Variants in TCF7L2 observed in about 807,000 individuals in gnomAD.
TCF7L2 encodes transcription factor 7 like 2, also known as transcription factor 7-like 2.
Under a neutral mutation model 77.9 loss-of-function variants are expected in TCF7L2, and 23 were observed. The ratio of observed to expected loss-of-function variants is 0.30; its 90% CI spans 0.21 to 0.42. The LOEUF is 0.42. Among genes scored for constraint, TCF7L2 ranks in the 10% least tolerant of loss-of-function variants. The pLI, the probability that TCF7L2 is intolerant of heterozygous loss-of-function variation, is 1.00. For missense variants in TCF7L2, 654 were observed against 793.1 expected, an observed-to-expected ratio of 0.82 and a Z score of 2.11; for synonymous variants, 413 against 340.2, an observed-to-expected ratio of 1.21 and a Z score of -2.36.
chr10:113,115,844 C>A (rs576408382), intron 5 of TCF7L2, among the ~76,000 whole-genome samples: 2 of 152,016 alleles, frequency 1.3e-5, no homozygotes, highest in Non-Finnish European at 2.9e-5. Flanking sequence ...TGTGTCTCTG[C>A]TTGCCTCCTC....
At chr10:112,951,061 T>C (rs1217900781) in intron 1 of TCF7L2, 116 bp downstream of exon 1, 1 of 1,383,450 alleles carries the variant, frequency 7.2e-7, no homozygotes, top group Admixed American at 2.5e-5. Flanking sequence ...GCGGGCGGCG[T>C]GTGCGTACGG....
At chr10:112,952,124 G>A (rs10885397) in intron 3 of TCF7L2, among the ~76,000 whole-genome samples, 17,057 of 152,234 alleles carry the variant, frequency 0.11, 1,256 homozygotes, top group Admixed American at 0.18. Context: ...CCCGATGCGC[G>A]GGGTAGAGAG....
At chr10:113,091,455 G>T (rs186763460) in intron 5 of TCF7L2, among the ~76,000 whole-genome samples, 209 of 152,280 alleles carry the variant, frequency 1.4e-3, no homozygotes, top group South Asian at 2.5e-3. Context: ...AGATGTGGCT[G>T]GGTGCAGTGG....
intron 4 of TCF7L2, 79 bp from the exon 5 acceptor site, chr10:113,039,946 G>A: frequency 7.9e-7 from 1 of 1,261,736 alleles, no homozygotes; most frequent in Non-Finnish European, 1.1e-6. Flanking sequence ...CCATGTCACA[G>A]TTATTTCTTG....
chr10:113,068,667 G>C (rs1320809668), intron 5 of TCF7L2, among the ~76,000 whole-genome samples: 6 of 152,124 alleles, frequency 3.9e-5, no homozygotes, highest in Non-Finnish European at 7.4e-5. Context: ...GGACCTCTGT[G>C]GCAGGAATTG....
intron 5 of TCF7L2, chr10:113,126,726 T>A: frequency 1.0e-6 from 1 of 985,916 alleles, no homozygotes; most frequent in Non-Finnish European, 1.2e-6. Flanking sequence ...GCTGCTCCCC[T>A]GTGCCGCGGG....
intron 3 of TCF7L2, chr10:112,951,932 T>A: frequency 6.6e-6 from 1 of 152,048 alleles, no homozygotes; most frequent in Non-Finnish European, 1.5e-5. Flanking sequence ...GCGTTCTGGT[T>A]CCCCCTCCCC....
intron 4 of TCF7L2, among the ~76,000 whole-genome samples, chr10:113,022,393 T>G (rs997218223): frequency 6.6e-6 from 1 of 152,170 alleles, no homozygotes; most frequent in Admixed American, 6.5e-5. Context: ...TGCAGCGACT[T>G]AGAACACCCG....
At chr10:113,061,884 A>G (rs1356330866) in intron 5 of TCF7L2, among the ~76,000 whole-genome samples, 3 of 152,200 alleles carry the variant, frequency 2.0e-5, no homozygotes, top group Non-Finnish European at 4.4e-5. Context: ...TGAGAGCTAG[A>G]AGATGTTTCT....
chr10:113,016,756 T>C (rs150594050), intron 4 of TCF7L2, among the ~76,000 whole-genome samples: 1 of 151,952 alleles, frequency 6.6e-6, no homozygotes, highest in African/African-American at 2.4e-5. Context: ...AAGGAAAGAT[T>C]TGATTTACTT....
In TCF7L2 at chr10:113,073,847, G is replaced by T. The variant is rs1037783179; in HGVS notation, c.552+33721G>T. ...CCTGCTGCCTGCCGCCCATCCTTGC[G>T]GCCTGGACGACTCCATGTGCGAGTT... On this transcript the variant is annotated intron_variant, in intron 5 of 13. Transcript: ENST00000627217. Among the ~76,000 whole-genome samples, 5 of 152,316 alleles carry T rather than the reference G, an allele frequency of 3.3e-5. No homozygotes were observed. In the East Asian group the frequency reaches 9.7e-4, roughly 29 times the overall value.
chr10:112,953,993 A>G (rs140019552), intron 3 of TCF7L2, among the ~76,000 whole-genome samples: 19 of 152,284 alleles, frequency 1.2e-4, no homozygotes, highest in African/African-American at 4.6e-4. Flanking sequence ...CTCCAAAATT[A>G]AAGTTATTTA....
rs72101402 is a variant in TCF7L2, at chr10:112,951,110, AC to A, written c.190-89del. 0.26 allele frequency: 274,749 copies of A among 1,044,480 alleles called. 38,180 individuals carry two copies. Among genetic ancestry groups the A allele is most frequent in the Non-Finnish European group, 0.29 (209,641 of 735,420 alleles). 64.7% of individuals were successfully genotyped at this position (1,044,480 alleles called of 1,614,324 possible). A position where few individuals can be genotyped will look rare whatever the true frequency, so the allele number is the denominator to read the frequency against. On this transcript the variant is annotated intron_variant, in intron 1 of 13. Coordinates refer to ENST00000627217, the MANE Select transcript of TCF7L2 (RefSeq NM_001146274.2). ...AAAACTTGTAACCCTGTTTTTTTCT[AC>A]CCCCCCCTCGACCTCGCCGATTCTT... is the stretch of plus-strand genomic sequence containing the variant.
chr10:113,036,672 C>CTTTA (rs1723537853), intron 4 of TCF7L2, among the ~76,000 whole-genome samples: 1 of 151,654 alleles, frequency 6.6e-6, no homozygotes, highest in Non-Finnish European at 1.5e-5. Flanking sequence ...GGCCTTCTTT[C>CTTTA]TTTCTTTCTT....
At position 112,964,618 on chromosome 10, in the gene TCF7L2, A is replaced by C. The variant is rs761005542; in HGVS notation, c.444A>C (p.Ala148=). 6.2e-7 allele frequency: 1 copy of C among 1,612,896 alleles called. No homozygotes were observed. Among genetic ancestry groups the C allele is most frequent in the Admixed American group, 1.7e-5 (1 of 59,988 alleles). ...ACAAAACGATTGAACACCAGATTGCAGTTCAGGTAGGAAACGCAAGAGATT... is the reference window on the plus strand; with the variant it reads ...ACAAAACGATTGAACACCAGATTGCCGTTCAGGTAGGAAACGCAAGAGATT... Residue 148 remains alanine (A), a synonymous_variant, in exon 4 of 14, where the codon GCA becomes GCC. Transcript: ENST00000627217.
intron 13 of TCF7L2, chr10:113,161,429 A>G (rs1263958087): frequency 2.6e-6 from 2 of 774,062 alleles, no homozygotes; most frequent in Non-Finnish European, 4.3e-6. Context: ...CCCATGTTCC[A>G]CCTGCAGGTC....
At chr10:113,096,262 C>T (rs1267026926) in intron 5 of TCF7L2, among the ~76,000 whole-genome samples, 1 of 152,092 alleles carries the variant, frequency 6.6e-6, no homozygotes, top group Non-Finnish European at 1.5e-5. Flanking sequence ...TTTATGACGT[C>T]AGCAAGGTAG....
intron 5 of TCF7L2, among the ~76,000 whole-genome samples, chr10:113,074,420 G>A (rs564127197): frequency 6.6e-6 from 1 of 152,112 alleles, no homozygotes; most frequent in East Asian, 1.9e-4. Context: ...AACACATATG[G>A]GAACCCCTCC....
Position 112,961,056 on chromosome 10 carries a change from C to G in TCF7L2, c.382-3500C>G, listed in dbSNP as rs188431097. Among the ~76,000 whole-genome samples, 706 of 151,546 alleles carry G rather than the reference C, an allele frequency of 4.7e-3. 6 individuals are homozygous for G. Among genetic ancestry groups the G allele is most frequent in the African/African-American group, 0.016 (675 of 41,246 alleles). On this transcript the variant is annotated intron_variant, in intron 3 of 13. Transcript: ENST00000627217. ...TGAGACGGAGTTTTGCTCTTGTTGC[C>G]CAGGCTGGAGTGCAATGCCTAGATC...
Sources: allele counts gnomAD v4.1 joint callset (sites outside exome capture counted in the v4.1 genomes callset), GRCh38; gene constraint gnomAD v4.1.1; transcripts MANE v1.5; gene names NCBI Gene and HGNC (gene_info 2026-07-23, HGNC 2026-07-21).